DOCK9: variants seen among roughly 807,000 people sequenced by gnomAD.
DOCK9 encodes the protein dedicator of cytokinesis 9, also known as dedicator of cytokinesis protein 9.
A neutral mutation model predicts 263.3 loss-of-function variants in DOCK9; 89 were observed. The ratio of observed to expected loss-of-function variants is 0.34; its 90% CI spans 0.28 to 0.40. The LOEUF (loss-of-function observed/expected upper bound fraction) is 0.40, where lower values mean the gene tolerates loss of function less well. Ranked by LOEUF, DOCK9 falls within the 10% of genes least tolerant of loss-of-function variation. The probability of loss-of-function intolerance (pLI) is 1.00; values close to 1 mark genes in which losing one functional copy is unlikely to be tolerated. For synonymous variants in DOCK9, 976 were observed against 973.1 expected (o/e 1.00, Z -0.06); for missense variants, 2,140 against 2,603.4 (o/e 0.82, Z 3.87).
chr13:98,884,961 T>C lies in DOCK9; in HGVS notation c.2382+10A>G, dbSNP rs2045447230. On this transcript the variant is annotated intron_variant, in intron 21 of 52. Transcript: ENST00000682017. Reference sequence around the variant, plus strand: ...AAATTGGGATGACCCAATCTTAAAATGGGACATACCCTGCCCATCCCAAGC... The same window carrying C: ...AAATTGGGATGACCCAATCTTAAAACGGGACATACCCTGCCCATCCCAAGC... 6.2e-7 allele frequency: 1 copy of C among 1,609,636 alleles called. No homozygotes were observed. Among genetic ancestry groups the C allele is most frequent in the Non-Finnish European group, 8.5e-7 (1 of 1,178,394 alleles).
chr13:98,926,682 A>G (rs1258339633), intron 3 of DOCK9, among the ~76,000 whole-genome samples: 1 of 152,250 alleles, frequency 6.6e-6, no homozygotes, highest in East Asian at 1.9e-4. Context: ...AATATGAATG[A>G]GTCAAAATCA....
chr13:98,905,343 G>A (rs1408716251), intron 9 of DOCK9, among the ~76,000 whole-genome samples: 2 of 152,166 alleles, frequency 1.3e-5, no homozygotes, highest in Non-Finnish European at 2.9e-5. Flanking sequence ...CACCAGGTGG[G>A]GAGAGAGCAT....
At chr13:98,842,519 G>A (rs190805966) in intron 38 of DOCK9, among the ~76,000 whole-genome samples, 4 of 152,238 alleles carry the variant, frequency 2.6e-5, no homozygotes, top group Admixed American at 2.6e-4. Context: ...AAATGAACTT[G>A]ATGTATTCCT....
At chr13:99,008,255 G>A (rs1226684459) in intron 1 of DOCK9, among the ~76,000 whole-genome samples, 5 of 104,506 alleles carry the variant, frequency 4.8e-5, no homozygotes, top group South Asian at 3.6e-4. Flanking sequence ...TTTTTGAGAC[G>A]AAGTCTCATT....
chr13:98,888,826 T>C, intron 15 of DOCK9, 115 bp from the exon 16 acceptor site: 2 of 843,218 alleles, frequency 2.4e-6, no homozygotes, highest in South Asian at 3.4e-5. Flanking sequence ...ATTTTAAACA[T>C]TCTAGTAGCC....
intron 45 of DOCK9, among the ~76,000 whole-genome samples, chr13:98,816,020 C>T (rs2091811056): frequency 6.6e-6 from 1 of 152,090 alleles, no homozygotes; most frequent in Non-Finnish European, 1.5e-5. Flanking sequence ...ACTATGTGTC[C>T]TCACCACCAC....
chr13:99,009,837 T>C (rs547109764), intron 1 of DOCK9, among the ~76,000 whole-genome samples: 13 of 152,188 alleles, frequency 8.5e-5, no homozygotes, highest in Non-Finnish European at 1.9e-4. Context: ...GGTAGGTTTT[T>C]CTCATTAGAA....
chr13:98,848,660 T>A, intron 36 of DOCK9, 21 bp from the exon 37 acceptor site: 1 of 1,607,302 alleles, frequency 6.2e-7, no homozygotes, highest in East Asian at 2.2e-5. Flanking sequence ...GATGAAAAAT[T>A]ATTAGGGAAA....
At chr13:98,900,433 C>A (rs1325652953) in intron 13 of DOCK9, among the ~76,000 whole-genome samples, 1 of 152,122 alleles carries the variant, frequency 6.6e-6, no homozygotes, top group African/African-American at 2.4e-5. Flanking sequence ...AGCTTCTCAT[C>A]CAAGGTTTTA....
Position 98,930,207 on chromosome 13 carries a change from C to T in DOCK9, c.294G>A (p.Ala98=), listed in dbSNP as rs765126901. The part of the protein sequence containing the change: ...QGRYICSTVP[A]KAEEEAQSLF... Reference sequence around the variant, plus strand: ...AGCTCTGTGCTTCCTCTTCCGCCTTCGCAGGCACTGTTGAGCATATGTATC... The same window carrying T: ...AGCTCTGTGCTTCCTCTTCCGCCTTTGCAGGCACTGTTGAGCATATGTATC... The change falls in exon 3 of 53, where the codon GCG becomes GCA. Residue 98 remains alanine (A), a synonymous_variant. Transcript: ENST00000682017. The T allele has an allele frequency of 1.1e-5, 17 of 1,612,090 alleles. No homozygotes were observed. Among genetic ancestry groups the T allele is most frequent in the South Asian group, 5.5e-5 (5 of 90,356 alleles).
chr13:99,032,192 T>A (rs902855421), intron 1 of DOCK9, among the ~76,000 whole-genome samples: 2 of 152,110 alleles, frequency 1.3e-5, no homozygotes, highest in Non-Finnish European at 2.9e-5. Flanking sequence ...GATTCCAGGC[T>A]GGGTGCGGTG....
At chr13:98,833,562 T>C (rs2092855402) in intron 39 of DOCK9, among the ~76,000 whole-genome samples, 1 of 152,230 alleles carries the variant, frequency 6.6e-6, no homozygotes. Flanking sequence ...CTTCTCATTT[T>C]CAGGATTCAG....
intron 1 of DOCK9, among the ~76,000 whole-genome samples, chr13:98,987,938 T>C (rs1878849732): frequency 6.8e-6 from 1 of 147,698 alleles, no homozygotes; most frequent in African/African-American, 2.5e-5. Flanking sequence ...GATAACAGCA[T>C]ATAAAATTTT....
chr13:98,875,720 A>G (rs1211727059), intron 27 of DOCK9, among the ~76,000 whole-genome samples: 2 of 152,236 alleles, frequency 1.3e-5, no homozygotes, highest in Non-Finnish European at 2.9e-5. Flanking sequence ...TTTCTCAAAT[A>G]TCACTTGTAC....
At chr13:99,060,131 T>C (rs975203299) in intron 1 of DOCK9, among the ~76,000 whole-genome samples, 3 of 138,332 alleles carry the variant, frequency 2.2e-5, no homozygotes, top group Admixed American at 8.0e-5. Context: ...TGGACTGCAG[T>C]GGCATGATCT....
intron 38 of DOCK9, among the ~76,000 whole-genome samples, chr13:98,842,984 C>T (rs991260677): frequency 1.3e-5 from 2 of 152,162 alleles, no homozygotes; most frequent in African/African-American, 2.4e-5. Flanking sequence ...ATGTGCAGTG[C>T]GTGTGGTGCC....
intron 2 of DOCK9, among the ~76,000 whole-genome samples, chr13:98,935,827 G>C (rs1407880169): frequency 6.6e-6 from 1 of 152,046 alleles, no homozygotes; most frequent in African/African-American, 2.4e-5. Context: ...CTGGACCCAT[G>C]GGGGAGGGGA....
At chr13:99,054,481 G>A (rs183355223) in intron 1 of DOCK9, among the ~76,000 whole-genome samples, 41 of 152,304 alleles carry the variant, frequency 2.7e-4, no homozygotes, top group Admixed American at 1.1e-3. Flanking sequence ...CAGAATAGCT[G>A]AGAAAGCCAC....
intron 1 of DOCK9, among the ~76,000 whole-genome samples, chr13:98,956,008 C>A (rs955055544): frequency 6.6e-6 from 1 of 152,198 alleles, no homozygotes; most frequent in Non-Finnish European, 1.5e-5. Flanking sequence ...GGCTCCAAGA[C>A]GCCCTTCTCT....
Sources: gnomAD v4.1 joint callset for allele counts (sites outside exome capture counted in the v4.1 genomes callset) on GRCh38, gnomAD v4.1.1 for gene constraint, MANE v1.5 for transcripts, NCBI Gene and HGNC (gene_info 2026-07-23, HGNC 2026-07-21) for gene names.